Variants in PCDH15 observed in about 807,000 individuals in gnomAD.
PCDH15 encodes protocadherin related 15.
PCDH15 carries 129 observed loss-of-function variants against 178.5 expected under a neutral mutation model. The observed-to-expected ratio is 0.72, with a 90% CI of 0.63 to 0.84. The LOEUF (loss-of-function observed/expected upper bound fraction) is 0.84, where lower values mean the gene tolerates loss of function less well. Ranked by LOEUF, PCDH15 falls within the 40% of genes least tolerant of loss-of-function variation. The pLI, the probability that PCDH15 is intolerant of heterozygous loss-of-function variation, is 0.00. For synonymous variants in PCDH15, 800 were observed against 732.0 expected (o/e 1.09, Z -1.50); for missense variants, 2,230 against 2,099.9 (o/e 1.06, Z -1.21).
intron 2 of PCDH15, among the ~76,000 whole-genome samples, chr10:55,103,818 G>T (rs536490540): frequency 6.6e-6 from 1 of 152,204 alleles, no homozygotes; most frequent in African/African-American, 2.4e-5. Flanking sequence ...TTTAACTCAT[G>T]GGGTTCTGGG....
intron 2 of PCDH15, among the ~76,000 whole-genome samples, chr10:54,648,019 T>C (rs781684189): frequency 2.0e-5 from 3 of 152,262 alleles, no homozygotes; most frequent in Non-Finnish European, 4.4e-5. Context: ...CCAAACTCAG[T>C]TTCCTTTTCA....
chr10:54,030,928 C>T (rs1299497112), intron 18 of PCDH15, among the ~76,000 whole-genome samples: 1 of 151,912 alleles, frequency 6.6e-6, no homozygotes, highest in Non-Finnish European at 1.5e-5. Flanking sequence ...TTTACTCTAT[C>T]TTGTCTTTAC....
intron 3 of PCDH15, among the ~76,000 whole-genome samples, chr10:54,417,378 A>C (rs1954590287): frequency 1.3e-5 from 2 of 151,982 alleles, no homozygotes; most frequent in Non-Finnish European, 2.9e-5. Flanking sequence ...AAATGACGAA[A>C]TGGGGAGTGA....
intron 23 of PCDH15, among the ~76,000 whole-genome samples, chr10:53,947,367 T>C (rs2086661087): frequency 6.6e-6 from 1 of 152,112 alleles, no homozygotes; most frequent in African/African-American, 2.4e-5. Context: ...GATATAAAAG[T>C]GTTTGTAAAT....
chr10:54,359,587 A>G (rs1464378977), intron 5 of PCDH15, among the ~76,000 whole-genome samples: 1 of 152,052 alleles, frequency 6.6e-6, no homozygotes, highest in Admixed American at 6.6e-5. Context: ...TAAATGTAAT[A>G]TAGCTTTACT....
rs1198361724 is a variant in PCDH15, at chr10:55,578,492, T to TAC, written c.-156+49131_-156+49132dup. Among the ~76,000 whole-genome samples the TAC allele has an allele frequency of 1.8e-4, 28 of 152,286 alleles. No individual in the cohort carries two copies. In the East Asian group the frequency reaches 5.2e-3, roughly 28 times the overall value. On this transcript the variant is annotated intron_variant, in intron 2 of 5. Transcript: ENST00000613346. ...CCTCCGCCTTCCAAAGTGCTGGGAT[T>TAC]ACAGGCATAAGCCACTGCGCCCGGC...
chr10:54,110,927 C>T (rs1288574795), intron 15 of PCDH15, among the ~76,000 whole-genome samples: 1 of 152,020 alleles, frequency 6.6e-6, no homozygotes, highest in East Asian at 1.9e-4. Flanking sequence ...CTTTACTTTT[C>T]AATTTAAAAT....
At chr10:54,339,511 TA>T (rs1941837072) in intron 6 of PCDH15, among the ~76,000 whole-genome samples, 1 of 152,126 alleles carries the variant, frequency 6.6e-6, no homozygotes, top group Non-Finnish European at 1.5e-5. Flanking sequence ...TTCCAACAGA[TA>T]ATTCAAGTGG....
intron 18 of PCDH15, among the ~76,000 whole-genome samples, chr10:54,026,379 T>C (rs1053505819): frequency 3.3e-5 from 5 of 151,888 alleles, no homozygotes; most frequent in Admixed American, 6.6e-5. Context: ...CGGATAGGAG[T>C]TTTTAGAGAA....
chr10:55,238,145 C>CTT (rs758000610), intron 1 of PCDH15, among the ~76,000 whole-genome samples: 174 of 124,446 alleles, frequency 1.4e-3, no homozygotes, highest in African/African-American at 1.6e-3. Flanking sequence ...TTCATATTTT[C>CTT]TTTTTTTTTT....
chr10:54,694,139 T>C (rs1453159498), intron 1 of PCDH15, among the ~76,000 whole-genome samples: 1 of 152,108 alleles, frequency 6.6e-6, no homozygotes, highest in East Asian at 1.9e-4. Flanking sequence ...GAATTGATTT[T>C]TCTGTTAATA....
At chr10:55,362,888 C>T (rs1013250131) in intron 2 of PCDH15, among the ~76,000 whole-genome samples, 7 of 152,106 alleles carry the variant, frequency 4.6e-5, no homozygotes, top group Admixed American at 1.3e-4. Context: ...TTTTGGCATC[C>T]CTGGGCCACA....
intron 2 of PCDH15, among the ~76,000 whole-genome samples, chr10:54,646,379 A>C (rs571911859): frequency 2.0e-5 from 3 of 152,274 alleles, no homozygotes; most frequent in African/African-American, 7.2e-5. Context: ...CCTGGAACCA[A>C]GCCCCAAGGA....
At chr10:55,581,055 A>G (rs573659634) in intron 2 of PCDH15, among the ~76,000 whole-genome samples, 6 of 152,332 alleles carry the variant, frequency 3.9e-5, no homozygotes, top group Middle Eastern at 6.8e-3. Flanking sequence ...TTTGGAATCC[A>G]AAAATGTACT....
chr10:54,023,009 T>G lies in PCDH15; in HGVS notation c.2409A>C (p.Leu803=). The change falls in exon 19 of 38, where the codon CTA becomes CTC. Residue 803 remains leucine (L), a synonymous_variant. Coordinates refer to ENST00000644397, the MANE Select transcript of PCDH15 (RefSeq NM_001384140.1). ...TGTCCAAAACCTTGATGGCCAAGGT[T>G]AGAGTTGAATGACGAGGGTGTACTG... ...DGAVHPRHST[L]TLAIKVLDID... 1.2e-6 allele frequency: 2 copies of G among 1,613,956 alleles called. No individual in the cohort carries two copies. The highest frequency in any genetic ancestry group is 1.7e-6 in the Non-Finnish European group (2 of 1,179,876).
At chr10:54,866,723 A>G (rs1459654287) in intron 3 of PCDH15, among the ~76,000 whole-genome samples, 1 of 152,212 alleles carries the variant, frequency 6.6e-6, no homozygotes, top group Non-Finnish European at 1.5e-5. Flanking sequence ...CTTATAAGAC[A>G]GAAAAGTTAT....
intron 25 of PCDH15, among the ~76,000 whole-genome samples, chr10:53,914,196 G>A (rs1312227143): frequency 2.0e-5 from 3 of 152,196 alleles, no homozygotes; most frequent in Admixed American, 2.0e-4. Context: ...CATTGTGGAA[G>A]ACAGTGTGGT....
chr10:55,307,387 C>T (rs1278366778), intron 1 of PCDH15, among the ~76,000 whole-genome samples: 1 of 151,704 alleles, frequency 6.6e-6, no homozygotes, highest in Admixed American at 6.6e-5. Context: ...CCTGTAATCC[C>T]AGCTACTCGG....
chr10:54,869,845 AC>A (rs1954004666), intron 3 of PCDH15, among the ~76,000 whole-genome samples: 1 of 152,200 alleles, frequency 6.6e-6, no homozygotes, highest in South Asian at 2.1e-4. Flanking sequence ...ACATAAGCAC[AC>A]TGCTTTAAAT....
Sources: allele counts gnomAD v4.1 joint callset (sites outside exome capture counted in the v4.1 genomes callset), GRCh38; gene constraint gnomAD v4.1.1; transcripts MANE v1.5; gene names NCBI Gene and HGNC (gene_info 2026-07-23, HGNC 2026-07-21).